Variants in CTTNBP2NL observed in about 807,000 individuals in gnomAD.
CTTNBP2NL encodes the protein CTTNBP2 N-terminal like.
CTTNBP2NL carries 16 observed loss-of-function variants against 32.5 expected under a neutral mutation model. The observed-to-expected ratio is 0.49, with a 90% CI of 0.33 to 0.75. The LOEUF is 0.75. Ranked by LOEUF, CTTNBP2NL falls within the 30% of genes least tolerant of loss-of-function variation. The pLI, the probability that CTTNBP2NL is intolerant of heterozygous loss-of-function variation, is 0.02. For missense variants in CTTNBP2NL, 645 were observed against 756.0 expected, an observed-to-expected ratio of 0.85 and a Z score of 1.72; for synonymous variants, 298 against 289.4, an observed-to-expected ratio of 1.03 and a Z score of -0.30.
intron 1 of CTTNBP2NL, chr1:112,396,579 C>T (rs547350957): frequency 6.6e-6 from 1 of 152,404 alleles, no homozygotes; most frequent in African/African-American, 2.4e-5. Flanking sequence ...GCGGAGAGGA[C>T]TCACAGGTAC....
chr1:112,410,462 T>C (rs1648820718), intron 1 of CTTNBP2NL, among the ~76,000 whole-genome samples: 1 of 152,182 alleles, frequency 6.6e-6, no homozygotes, highest in African/African-American at 2.4e-5. Context: ...AAATATCTTT[T>C]TTAAAAATAA....
chr1:112,394,763 G>A (rs1388685427), upstream of CTTNBP2NL, among the ~76,000 whole-genome samples: 1 of 152,198 alleles, frequency 6.6e-6, no homozygotes, highest in Non-Finnish European at 1.5e-5. Context: ...GAGAGCCAGT[G>A]TGAAGTGAGC....
In CTTNBP2NL at chr1:112,460,359, A is replaced by C. The variant is rs1000224854; in HGVS notation, c.*2947A>C. On this transcript the variant is annotated 3_prime_UTR_variant, in exon 6 of 6. Coordinates refer to ENST00000271277, the MANE Select transcript of CTTNBP2NL (RefSeq NM_018704.3). ...TGGCTTTGACAAAACAAATGAAGTC[A>C]ATGACCCATCCAGGTTAGACTCCAT... 1 of 152,198 alleles carries C rather than the reference A, an allele frequency of 6.6e-6. No individual in the cohort carries two copies. Among genetic ancestry groups the C allele is most frequent in the African/African-American group, 2.4e-5 (1 of 41,454 alleles). 9.4% of individuals were successfully genotyped at this position (152,198 alleles called of 1,614,324 possible). A position where few individuals can be genotyped will look rare whatever the true frequency, so the allele number is the denominator to read the frequency against.
At chr1:112,447,350 C>T (rs1650081914) in intron 3 of CTTNBP2NL, among the ~76,000 whole-genome samples, 1 of 147,952 alleles carries the variant, frequency 6.8e-6, no homozygotes, top group African/African-American at 2.5e-5. Context: ...TTTTAATTCA[C>T]ACACACACAC....
At chr1:112,406,160 G>A (rs139340906) in intron 1 of CTTNBP2NL, among the ~76,000 whole-genome samples, 2,855 of 151,976 alleles carry the variant, frequency 0.019, 94 homozygotes, top group African/African-American at 0.065. Context: ...CTCCAGCCTG[G>A]GTGACAAAGT....
At chr1:112,438,127 G>C (rs1176193108) in intron 3 of CTTNBP2NL, among the ~76,000 whole-genome samples, 2 of 152,050 alleles carry the variant, frequency 1.3e-5, no homozygotes, top group Non-Finnish European at 2.9e-5. Context: ...GTTAATTTTT[G>C]TATGTGGTGT....
chr1:112,457,313 C>G lies in CTTNBP2NL; in HGVS notation c.1821C>G (p.Ala607=), dbSNP rs773143101. 24 of 1,614,054 alleles carry G rather than the reference C, an allele frequency of 1.5e-5. No homozygotes were observed. Among genetic ancestry groups the G allele is most frequent in the Non-Finnish European group, 1.9e-5 (22 of 1,180,016 alleles). Reference sequence around the variant, plus strand: ...TGACCAAAACTCATTCCCAGGCAGCCTCTTTGACCACTGCAGAAGACCTTG... The same window carrying G: ...TGACCAAAACTCATTCCCAGGCAGCGTCTTTGACCACTGCAGAAGACCTTG... The part of the protein sequence containing the change: ...TPLTKTHSQA[A]SLTTAEDLAS... The change falls in exon 6 of 6, where the codon GCC becomes GCG. Residue 607 remains alanine (A), a synonymous_variant. Coordinates refer to ENST00000271277, the MANE Select transcript of CTTNBP2NL (RefSeq NM_018704.3).
intron 1 of CTTNBP2NL, among the ~76,000 whole-genome samples, chr1:112,404,430 TTAATCC>T (rs1332022562): frequency 1.3e-5 from 2 of 152,344 alleles, no homozygotes; most frequent in African/African-American, 4.8e-5. Context: ...TGTTTGATGG[TTAATCC>T]TTCATACCAT....
chr1:112,418,115 A>G (rs573758183), intron 3 of CTTNBP2NL, among the ~76,000 whole-genome samples: 2 of 152,302 alleles, frequency 1.3e-5, no homozygotes, highest in Admixed American at 6.5e-5. Flanking sequence ...TTCAAAATAG[A>G]TTTTTGTCTG....
Position 112,457,139 on chromosome 1 carries a change from A to G in CTTNBP2NL, c.1647A>G (p.Ser549=), listed in dbSNP as rs751443029. The part of the protein sequence containing the change: ...TANPRGDTSH[S]PTPGKVSSPL... The stretch of plus-strand genomic sequence containing the variant: ...ATCCAAGAGGTGACACAAGCCATTC[A>G]CCTACTCCAGGGAAAGTGTCCAGTC... The change falls in exon 6 of 6, where the codon TCA becomes TCG. Residue 549 remains serine, a synonymous_variant. Coordinates refer to ENST00000271277, the MANE Select transcript of CTTNBP2NL (RefSeq NM_018704.3). The G allele has an allele frequency of 6.2e-7, 1 of 1,614,056 alleles. No individual in the cohort carries two copies.
chr1:112,402,527 A>G (rs1050052746), intron 1 of CTTNBP2NL, among the ~76,000 whole-genome samples: 2 of 152,212 alleles, frequency 1.3e-5, no homozygotes, highest in Non-Finnish European at 2.9e-5. Context: ...GAAGGATGAA[A>G]GATAACTGAC....
intron 1 of CTTNBP2NL, among the ~76,000 whole-genome samples, chr1:112,405,752 TAC>T (rs796189042): frequency 1.3e-5 from 2 of 152,142 alleles, no homozygotes; most frequent in African/African-American, 2.4e-5. Context: ...AAGAGATGTG[TAC>T]ACACACACAC....
At chr1:112,418,412 G>A (rs1649127310) in intron 3 of CTTNBP2NL, among the ~76,000 whole-genome samples, 1 of 152,022 alleles carries the variant, frequency 6.6e-6, no homozygotes, top group African/African-American at 2.4e-5. Context: ...AGACATGTTT[G>A]GCATAGAACC....
At chr1:112,446,369 C>CAAAAAAG (rs952758998) in intron 3 of CTTNBP2NL, among the ~76,000 whole-genome samples, 1 of 146,906 alleles carries the variant, frequency 6.8e-6, no homozygotes. Flanking sequence ...CTGTCTCAAA[C>CAAAAAAG]AAAAAAGAAA....
At chr1:112,414,232 G>T (rs909273089) in intron 2 of CTTNBP2NL, among the ~76,000 whole-genome samples, 2 of 152,052 alleles carry the variant, frequency 1.3e-5, no homozygotes, top group South Asian at 4.2e-4. Flanking sequence ...AGGCGTGATG[G>T]TGGTTGCCTG....
chr1:112,397,671 G>A (rs917961774), intron 1 of CTTNBP2NL, among the ~76,000 whole-genome samples: 1 of 152,070 alleles, frequency 6.6e-6, no homozygotes, highest in Non-Finnish European at 1.5e-5. Context: ...TGTTAATGTC[G>A]TTGAATCCCC....
Position 112,412,608 on chromosome 1 carries a change from C to CTTTT in CTTNBP2NL, c.-10+314_-10+317dup, listed in dbSNP as rs35667800. On this transcript the variant is annotated intron_variant, in intron 2 of 5. Coordinates refer to ENST00000271277, the MANE Select transcript of CTTNBP2NL (RefSeq NM_018704.3). Reference sequence around the variant, plus strand: ...TGTAGACACTAAGCTGAGTTGGTACCTTTTTTTTTTTTTTTTTTTTTTTTT... The same window carrying CTTTT: ...TGTAGACACTAAGCTGAGTTGGTACCTTTTTTTTTTTTTTTTTTTTTTTTTTTTT... Among the ~76,000 whole-genome samples the CTTTT allele has an allele frequency of 1.9e-4, 17 of 88,920 alleles. 1 individual carries two copies. Among genetic ancestry groups the CTTTT allele is most frequent in the East Asian group, 9.2e-4 (2 of 2,180 alleles). 58.3% of individuals were successfully genotyped at this position (88,920 alleles called of 152,430 possible).
chr1:112,411,268 G>T (rs905643922), intron 1 of CTTNBP2NL, among the ~76,000 whole-genome samples: 3 of 152,156 alleles, frequency 2.0e-5, no homozygotes, highest in African/African-American at 7.2e-5. Context: ...TTAGGTTTCA[G>T]CAACTCAAAT....
chr1:112,402,641 T>C (rs1648541123), intron 1 of CTTNBP2NL, among the ~76,000 whole-genome samples: 1 of 152,222 alleles, frequency 6.6e-6, no homozygotes, highest in Non-Finnish European at 1.5e-5. Context: ...AATAGTCCTT[T>C]CTGTTACAGC....
Sources: allele counts gnomAD v4.1 joint callset (sites outside exome capture counted in the v4.1 genomes callset), GRCh38; gene constraint gnomAD v4.1.1; transcripts MANE v1.5; gene names NCBI Gene and HGNC (gene_info 2026-07-23, HGNC 2026-07-21).